ZNF521: variants seen among roughly 807,000 people sequenced by gnomAD.
ZNF521 encodes the protein zinc finger protein 521.
A neutral mutation model predicts 105.5 loss-of-function variants in ZNF521; 14 were observed. That is an observed-to-expected ratio of 0.13 (90% CI 0.09 to 0.21). ZNF521 has a LOEUF of 0.21. ZNF521 is among the 10% of genes least tolerant of loss of function. The probability of loss-of-function intolerance (pLI) is 1.00; values close to 1 mark genes in which losing one functional copy is unlikely to be tolerated. For missense variants in ZNF521, 1,233 were observed against 1,629.7 expected, an observed-to-expected ratio of 0.76 and a Z score of 4.19; for synonymous variants, 635 against 606.0, an observed-to-expected ratio of 1.05 and a Z score of -0.70.
chr18:25,157,317 T>C (rs962405256), intron 5 of ZNF521, among the ~76,000 whole-genome samples: 3 of 152,198 alleles, frequency 2.0e-5, no homozygotes, highest in African/African-American at 7.2e-5. Flanking sequence ...AATGTCTGTT[T>C]AAAAAAGTCT....
intron 3 of ZNF521, among the ~76,000 whole-genome samples, chr18:25,299,131 A>T (rs1911485880): frequency 6.6e-6 from 1 of 152,248 alleles, no homozygotes; most frequent in Admixed American, 6.5e-5. Context: ...ATCTTGATGC[A>T]GAAGGAAACT....
chr18:25,166,659 A>G (rs545094990), intron 5 of ZNF521, among the ~76,000 whole-genome samples: 1 of 152,322 alleles, frequency 6.6e-6, no homozygotes, highest in Admixed American at 6.5e-5. Context: ...TTTCCTATGT[A>G]GGAACATAGC....
intron 4 of ZNF521, among the ~76,000 whole-genome samples, chr18:25,208,743 TTTAGA>T (rs1158170321): frequency 6.6e-6 from 1 of 152,218 alleles, no homozygotes; most frequent in Non-Finnish European, 1.5e-5. Flanking sequence ...TGTTACACTG[TTTAGA>T]TTAATTTGAG....
intron 3 of ZNF521, among the ~76,000 whole-genome samples, chr18:25,310,343 C>T (rs1912229241): frequency 6.6e-6 from 1 of 151,570 alleles, no homozygotes; most frequent in Non-Finnish European, 1.5e-5. Flanking sequence ...ACATCCTTGT[C>T]TACATTTTTA....
chr18:25,213,533 A>G (rs1003320266), intron 4 of ZNF521, among the ~76,000 whole-genome samples: 9 of 152,114 alleles, frequency 5.9e-5, no homozygotes, highest in African/African-American at 2.2e-4. Context: ...TTATACATGG[A>G]TTTAGCTACT....
intron 2 of ZNF521, among the ~76,000 whole-genome samples, chr18:25,329,954 T>C (rs1913465762): frequency 1.3e-5 from 2 of 152,190 alleles, no homozygotes; most frequent in Admixed American, 6.5e-5. Flanking sequence ...AGGATCTGGA[T>C]GGATGGTGAA....
chr18:25,350,385 C>T (rs1656182594), intron 2 of ZNF521, among the ~76,000 whole-genome samples: 1 of 151,832 alleles, frequency 6.6e-6, no homozygotes, highest in African/African-American at 2.4e-5. Flanking sequence ...CCAAGCAGGA[C>T]GCGGGCGGGC....
At chr18:25,292,918 G>A (rs1911117598) in intron 3 of ZNF521, among the ~76,000 whole-genome samples, 1 of 152,134 alleles carries the variant, frequency 6.6e-6, no homozygotes, top group Admixed American at 6.6e-5. Context: ...CCAGTCCCCA[G>A]GGCCCATCTC....
chr18:25,083,793 T>C (rs1216401492), intron 7 of ZNF521, among the ~76,000 whole-genome samples: 10 of 150,146 alleles, frequency 6.7e-5, no homozygotes, highest in Admixed American at 6.6e-4. Context: ...AGACAAGGTC[T>C]CTCTCTCTCT....
At chr18:25,135,279 CGTGTGTGTGTGT>C (rs35980671) in intron 5 of ZNF521, among the ~76,000 whole-genome samples, 3 of 146,112 alleles carry the variant, frequency 2.1e-5, no homozygotes, top group Admixed American at 6.9e-5. Context: ...TATATGTATA[CGTGTGTGTGTGT>C]GTGTGTGTGT....
At chr18:25,092,683 A>T (rs1193458021) in intron 5 of ZNF521, among the ~76,000 whole-genome samples, 1 of 152,060 alleles carries the variant, frequency 6.6e-6, no homozygotes, top group Non-Finnish European at 1.5e-5. Flanking sequence ...AGACAGTTTC[A>T]ATTTTACCCC....
intron 7 of ZNF521, among the ~76,000 whole-genome samples, chr18:25,064,957 AT>A (rs1225960439): frequency 6.6e-6 from 1 of 152,164 alleles, no homozygotes. Context: ...CTGTATATTG[AT>A]TTTTAATACT....
intron 3 of ZNF521, among the ~76,000 whole-genome samples, chr18:25,288,468 C>T (rs1416035263): frequency 1.3e-5 from 2 of 151,784 alleles, no homozygotes; most frequent in Admixed American, 6.6e-5. Flanking sequence ...TAGGGAAATT[C>T]GCTTTCCAGA....
chr18:25,315,811 G>A (rs1912576481), intron 3 of ZNF521: 1 of 152,132 alleles, frequency 6.6e-6, no homozygotes, highest in African/African-American at 2.4e-5. Flanking sequence ...AGTCACCAAA[G>A]GAACAGATCT....
intron 5 of ZNF521, among the ~76,000 whole-genome samples, chr18:25,191,356 T>C (rs73404948): frequency 0.062 from 9,508 of 152,218 alleles, 713 homozygotes; most frequent in African/African-American, 0.18. Context: ...TCCATAACTA[T>C]AGTAATCAAT....
intron 5 of ZNF521, among the ~76,000 whole-genome samples, chr18:25,110,080 G>A (rs907890580): frequency 1.2e-4 from 18 of 152,198 alleles, no homozygotes; most frequent in Non-Finnish European, 2.6e-4. Context: ...GAAGCCATAG[G>A]CTGTGGGGCA....
chr18:25,342,487 G>A (rs548396937), intron 2 of ZNF521, among the ~76,000 whole-genome samples: 1 of 149,422 alleles, frequency 6.7e-6, no homozygotes, highest in Admixed American at 6.7e-5. Context: ...GGAGTGCAGT[G>A]GAGCCATCTT....
chr18:25,079,346 C>T (rs139809484), intron 7 of ZNF521, among the ~76,000 whole-genome samples: 67 of 152,284 alleles, frequency 4.4e-4, no homozygotes, highest in African/African-American at 1.5e-3. Context: ...CCTCCATCCA[C>T]GCTCAGGCCA....
chr18:25,237,434 AT>A (rs2144781498), intron 3 of ZNF521, among the ~76,000 whole-genome samples: 1 of 152,158 alleles, frequency 6.6e-6, no homozygotes, highest in South Asian at 2.1e-4. Context: ...AATTATATAT[AT>A]GTGTCTATAT....
Sources: gnomAD v4.1 joint callset for allele counts (sites outside exome capture counted in the v4.1 genomes callset) on GRCh38, gnomAD v4.1.1 for gene constraint, MANE v1.5 for transcripts, NCBI Gene and HGNC (gene_info 2026-07-23, HGNC 2026-07-21) for gene names.